Variants in NAALADL1 observed in about 807,000 individuals in gnomAD.
NAALADL1 encodes aminopeptidase NAALADL1.
NAALADL1 carries 77 observed loss-of-function variants against 82.8 expected under a neutral mutation model. The ratio of observed to expected loss-of-function variants is 0.93; its 90% CI spans 0.77 to 1.12. The LOEUF is 1.12. Ranked by LOEUF, NAALADL1 falls within the 50% of genes most tolerant of loss-of-function variation. The pLI, the probability that NAALADL1 is intolerant of heterozygous loss-of-function variation, is 0.00. For missense variants in NAALADL1, 956 were observed against 964.0 expected (o/e 0.99, Z 0.11); for synonymous variants, 358 against 399.2 (o/e 0.90, Z 1.23).
chr11:65,053,071 G>T lies in NAALADL1; in HGVS notation c.1198+147C>A. ...ATTCCCTGTACCACACTGGGCTGCTGCAGGCCAAGGCTGGTGTCATGCATG... is the reference window on the plus strand; with the variant it reads ...ATTCCCTGTACCACACTGGGCTGCTTCAGGCCAAGGCTGGTGTCATGCATG... On this transcript the variant is annotated intron_variant, in intron 8 of 17. Transcript: ENST00000358658. This position sits in a 1 kb window ranked among gnomAD's most constrained non-coding sequence, Gnocchi z 4.3. The T allele has an allele frequency of 9.5e-7, 1 of 1,049,462 alleles. No individual in the cohort carries two copies. Among genetic ancestry groups the T allele is most frequent in the Non-Finnish European group, 1.3e-6 (1 of 742,532 alleles). The allele number at this position is 1,049,462 out of a possible 1,614,324, so 65.0% of individuals were successfully genotyped here.
chr11:65,052,300 G>A (rs1217093440), intron 8 of NAALADL1, among the ~76,000 whole-genome samples: 1 of 151,182 alleles, frequency 6.6e-6, no homozygotes. Flanking sequence ...CCTATGTGGA[G>A]TGCCCTTCCC....
chr11:65,046,044 C>T lies in NAALADL1; in HGVS notation c.1926G>A (p.Leu642=), dbSNP rs1398416834. 1 of 1,613,996 alleles carries T rather than the reference C, an allele frequency of 6.2e-7. No individual in the cohort carries two copies. The highest frequency in any genetic ancestry group is 8.5e-7 in the Non-Finnish European group (1 of 1,180,006). The change falls in exon 16 of 18, where the codon CTG becomes CTA. Residue 642 remains leucine, a synonymous_variant. Coordinates refer to ENST00000358658, the MANE Select transcript of NAALADL1 (RefSeq NM_005468.3). ...TTGCTCACTCAGGGCTGCCCTTCTG[C>T]AGTGTTGATATGCGTTGGCCCAAGG... ...AAALGQRIST[L]QKGSPDPLQV...
chr11:65,060,260 T>G (rs113602127), upstream of NAALADL1, among the ~76,000 whole-genome samples: 21 of 151,762 alleles, frequency 1.4e-4, 1 homozygote, highest in African/African-American at 4.6e-4. Flanking sequence ...GGTGAGGAGG[T>G]TCAGCATGGG....
chr11:65,047,826 G>T, intron 11 of NAALADL1, 88 bp from the exon 12 acceptor site: 1 of 1,484,662 alleles, frequency 6.7e-7, no homozygotes. Context: ...CTGCCCACCC[G>T]TGGTCCAGTC....
Position 65,053,654 on chromosome 11 carries a change from C to A in NAALADL1, c.993-78G>T. 1.5e-6 allele frequency: 2 copies of A among 1,309,088 alleles called. No homozygotes were observed. The highest frequency in any genetic ancestry group is 1.5e-5 in the South Asian group (1 of 68,590). 81.1% of individuals were successfully genotyped at this position (1,309,088 alleles called of 1,614,324 possible). Reference sequence around the variant, plus strand: ...ACCCAGTGCAGGAGACACTGAGGCCCGGAGCTGGAAAGTGACGTGGCAAGG... The same window carrying A: ...ACCCAGTGCAGGAGACACTGAGGCCAGGAGCTGGAAAGTGACGTGGCAAGG... On this transcript the variant is annotated intron_variant, in intron 6 of 17. Transcript: ENST00000358658. This position sits in a 1 kb window ranked among gnomAD's most constrained non-coding sequence, Gnocchi z 4.3.
rs942010881 is a variant in NAALADL1 at position 65,052,276 on chromosome 11, G to C, written c.1198+942C>G. ...CATCTCCAGCCCTGGAATGACAAGC[G>C]TCTGCCTGGCCCCCCTATGTGGAGT... is the stretch of plus-strand genomic sequence containing the variant. On this transcript the variant is annotated intron_variant, in intron 8 of 17. Transcript: ENST00000358658. 2.0e-5 allele frequency among the ~76,000 whole-genome samples: 3 copies of C among 150,416 alleles called. No homozygotes were observed. In the East Asian group the frequency reaches 5.8e-4, roughly 29 times the overall value.
chr11:65,057,266 C>T lies in NAALADL1; in HGVS notation c.603+105G>A, dbSNP rs2298405. ...CTGCCCCACCCTGGGGCTTGGTTCC[C>T]CACTCAACACTGCCTCTTCTCCTTC... On this transcript the variant is annotated intron_variant, in intron 4 of 17. Coordinates refer to ENST00000358658, the MANE Select transcript of NAALADL1 (RefSeq NM_005468.3). 9,476 of 1,473,228 alleles carry T rather than the reference C, an allele frequency of 6.4e-3. 545 individuals carry two copies. In the East Asian group the frequency reaches 0.15, roughly 23 times the overall value. The allele number at this position is 1,473,228 out of a possible 1,614,324, so 91.3% of individuals were successfully genotyped here.
In NAALADL1 at chr11:65,046,315, G is replaced by T; in HGVS notation, c.1729C>A (p.Leu577Ile). The change falls in exon 15 of 18, where the codon CTC becomes ATC. Residue 577 changes from leucine (L) to isoleucine (I), a missense_variant. By Grantham distance (5) the Leu-to-Ile change is conservative. Coordinates refer to ENST00000358658, the MANE Select transcript of NAALADL1 (RefSeq NM_005468.3). ...AGGAAGAAGCTGTCACTGAGCCGGA[G>T]AATCACACTCCCCGCTGTCCGGGCC... ...AVARTAGSVI[L>I]RLSDSFFLPL... 1 of 1,614,190 alleles carries T rather than the reference G, an allele frequency of 6.2e-7. No homozygotes were observed. Among genetic ancestry groups the T allele is most frequent in the South Asian group, 1.1e-5 (1 of 91,080 alleles).
rs1565217489 is a variant in NAALADL1 at position 65,046,047 on chromosome 11, T to C, written c.1923A>G (p.Thr641=). ...CTCACTCAGGGCTGCCCTTCTGCAG[T>C]GTTGATATGCGTTGGCCCAAGGCTG... ...EAAALGQRIS[T]LQKGSPDPLQ... is the part of the protein sequence containing the mutation. The change falls in exon 16 of 18, where the codon ACA becomes ACG. Residue 641 remains threonine, a synonymous_variant. Transcript: ENST00000358658. 1 of 1,613,964 alleles carries C rather than the reference T, an allele frequency of 6.2e-7. No individual in the cohort carries two copies. Among genetic ancestry groups the C allele is most frequent in the South Asian group, 1.1e-5 (1 of 91,060 alleles).
rs747762572 is a variant in NAALADL1 at position 65,045,493 on chromosome 11, A to G, written c.2037-36T>C. On this transcript the variant is annotated intron_variant, in intron 17 of 17. Transcript: ENST00000358658. ...AAATGGGACAGGATCAGGGTCAGTC[A>G]GTCAGGGGCCAGGAAAGAGAAGCCT... The G allele has an allele frequency of 9.6e-6, 15 of 1,556,780 alleles. No individual in the cohort carries two copies. The South Asian group carries it at 1.7e-4, about 17-fold the overall frequency.
chr11:65,047,337 GTGT>G, intron 13 of NAALADL1, 135 bp downstream of exon 13: 3 of 696,386 alleles, frequency 4.3e-6, no homozygotes, highest in Non-Finnish European at 7.3e-6. Context: ...GTGTGTGTGT[GTGT>G]TTTTTTTTAA....
intron 8 of NAALADL1, chr11:65,048,600 T>A (rs1565226067): frequency 3.4e-6 from 2 of 586,278 alleles, no homozygotes; most frequent in East Asian, 5.7e-5. Flanking sequence ...TGGTCCCTTC[T>A]ACCAGAATGC....
intron 13 of NAALADL1, 94 bp downstream of exon 13, chr11:65,047,381 G>T: frequency 1.9e-6 from 2 of 1,056,280 alleles, no homozygotes; most frequent in Non-Finnish European, 2.7e-6. Context: ...ATGAGTAAAG[G>T]TGCAGGGTTC....
At position 65,058,360 on chromosome 11, in the gene NAALADL1, G is replaced by A; in HGVS notation, c.162C>T (p.Ala54=). ...ACCTGAGGTTCTCCCGGATCCTGTG[G>A]GCATCCAGCTGCCCCATGACGGTCT... ...ILETVMGQLD[A]HRIRENLREL... is the part of the protein sequence containing the mutation. The change falls in exon 1 of 18, where the codon GCC becomes GCT. Residue 54 remains alanine (A), a synonymous_variant. Coordinates refer to ENST00000358658, the MANE Select transcript of NAALADL1 (RefSeq NM_005468.3). 3 of 1,614,174 alleles carry A rather than the reference G, an allele frequency of 1.9e-6. No individual in the cohort carries two copies. The highest frequency in any genetic ancestry group is 2.5e-6 in the Non-Finnish European group (3 of 1,180,010).
chr11:65,059,214 T>C (rs757343182), upstream of NAALADL1, among the ~76,000 whole-genome samples: 3 of 152,154 alleles, frequency 2.0e-5, no homozygotes, highest in Non-Finnish European at 4.4e-5. Flanking sequence ...GGTTTCACCA[T>C]GTTGGCCAGG....
At position 65,046,671 on chromosome 11, in the gene NAALADL1, G is replaced by A. The variant is rs1378949687; in HGVS notation, c.1600-145C>T. The A allele has an allele frequency of 5.1e-6, 4 of 782,190 alleles. No individual in the cohort carries two copies. In the East Asian group the frequency reaches 1.1e-4, roughly 21 times the overall value. 48.5% of individuals were successfully genotyped at this position (782,190 alleles called of 1,614,324 possible). A position where few individuals can be genotyped will look rare whatever the true frequency, so the allele number is the denominator to read the frequency against. On this transcript the variant is annotated intron_variant, in intron 13 of 17. Coordinates refer to ENST00000358658, the MANE Select transcript of NAALADL1 (RefSeq NM_005468.3). The stretch of plus-strand genomic sequence containing the variant: ...GGCTTCTAGAATTCCCACAGAAAAG[G>A]AAACTGAAGCTCAGAGAGGTTAACC...
intron 8 of NAALADL1, among the ~76,000 whole-genome samples, chr11:65,052,855 T>C (rs1380030039): frequency 1.3e-5 from 2 of 152,178 alleles, no homozygotes. Context: ...CAACCTGGCC[T>C]GCCATGTCAA....
upstream of NAALADL1, among the ~76,000 whole-genome samples, chr11:65,060,671 G>A (rs981244182): frequency 1.3e-5 from 2 of 152,158 alleles, no homozygotes; most frequent in Non-Finnish European, 2.9e-5. Context: ...TGACACCCAA[G>A]AGATCCACTC....
Position 65,054,809 on chromosome 11 carries a change from T to C in NAALADL1, c.604-71A>G. The C allele has an allele frequency of 6.5e-7, 1 of 1,540,250 alleles. No homozygotes were observed. Among genetic ancestry groups the C allele is most frequent in the Admixed American group, 1.8e-5 (1 of 55,040 alleles). ...AGATATGTCCTATTCCTCTTCCTCC[T>C]TCCTCGACTGTGGAAGCCAGGATAG... On this transcript the variant is annotated intron_variant, in intron 4 of 17. Coordinates refer to ENST00000358658, the MANE Select transcript of NAALADL1 (RefSeq NM_005468.3). This position sits in a 1 kb window ranked among gnomAD's most constrained non-coding sequence, Gnocchi z 4.3.
Sources: gnomAD v4.1 joint callset for allele counts (sites outside exome capture counted in the v4.1 genomes callset) on GRCh38, gnomAD v4.1.1 for gene constraint, Gnocchi (gnomAD v3.1) non-coding constraint, MANE v1.5 for transcripts, NCBI Gene and HGNC (gene_info 2026-07-23, HGNC 2026-07-21) for gene names.